Variants in SELENOO observed in about 807,000 individuals in gnomAD.
SELENOO encodes the protein selenoprotein O, also known as protein adenylyltransferase SelO, mitochondrial.
SELENOO carries 74 observed loss-of-function variants against 58.7 expected under a neutral mutation model. The observed-to-expected ratio is 1.26, with a 90% CI of 1.04 to 1.53. SELENOO has a LOEUF of 1.53. Ranked by LOEUF, SELENOO falls within the 40% of genes most tolerant of loss-of-function variation. SELENOO has a pLI of 0.00. For missense variants in SELENOO, 1,149 were observed against 970.0 expected (o/e 1.18, Z -2.45); for synonymous variants, 543 against 453.2 (o/e 1.20, Z -2.52).
Position 50,208,631 on chromosome 22 carries a change from A to G in SELENOO, c.854A>G (p.Asp285Gly), listed in dbSNP as rs1159307066. ...GRNDIRVQLL[D>G]YVISSFYPEI... Reference sequence around the variant, plus strand: ...AACGACATTCGAGTGCAGCTGCTCGACTATGTCATCAGCTCCTTTTACCCC... The same window carrying G: ...AACGACATTCGAGTGCAGCTGCTCGGCTATGTCATCAGCTCCTTTTACCCC... Residue 285 changes from aspartate (D) to glycine (G), a missense_variant, in exon 3 of 9, where the codon GAC (aspartate) becomes GGC (glycine). Physicochemically the swap from Asp to Gly is moderately conservative, Grantham distance 94 (BLOSUM62 -1). Coordinates refer to ENST00000380903, the MANE Select transcript of SELENOO (RefSeq NM_031454.2). 2 of 1,613,852 alleles carry G rather than the reference A, an allele frequency of 1.2e-6. No individual in the cohort carries two copies. The highest frequency in any genetic ancestry group is 1.6e-4 in the Middle Eastern group (1 of 6,062).
intron 5 of SELENOO, among the ~76,000 whole-genome samples, chr22:50,211,863 C>A (rs1405460749): frequency 2.0e-5 from 3 of 152,192 alleles, no homozygotes; most frequent in African/African-American, 7.2e-5. Flanking sequence ...GCCACCACAC[C>A]CGGCTAATTT....
At position 50,217,384 on chromosome 22, in the gene SELENOO, T is replaced by G; in HGVS notation, c.*15T>G. ...GATCTTCGTAACGGCCTCGGCACGCTCCACACCCCTGGAGTCTCCCGAGGC... is the reference window on the plus strand; with the variant it reads ...GATCTTCGTAACGGCCTCGGCACGCGCCACACCCCTGGAGTCTCCCGAGGC... On this transcript the variant is annotated 3_prime_UTR_variant, in exon 9 of 9. Transcript: ENST00000380903. The G allele has an allele frequency of 1.2e-6, 2 of 1,611,932 alleles. No homozygotes were observed. Among genetic ancestry groups the G allele is most frequent in the Non-Finnish European group, 1.7e-6 (2 of 1,179,646 alleles).
intron 1 of SELENOO, among the ~76,000 whole-genome samples, chr22:50,205,322 T>C (rs1312083387): frequency 1.3e-5 from 2 of 152,250 alleles, no homozygotes; most frequent in Non-Finnish European, 2.9e-5. Flanking sequence ...CAGTGGCTCA[T>C]GCCTGTAATC....
Position 50,217,198 on chromosome 22 carries a change from C to T in SELENOO, c.1846-7C>T, listed in dbSNP as rs1207298981. 35 of 1,612,020 alleles carry T rather than the reference C, an allele frequency of 2.2e-5. No homozygotes were observed. Among genetic ancestry groups the T allele is most frequent in the Non-Finnish European group, 3.0e-5 (35 of 1,179,192 alleles). On this transcript the variant is annotated splice_polypyrimidine_tract_variant and splice_region_variant and intron_variant, in intron 8 of 8. Coordinates refer to ENST00000380903, the MANE Select transcript of SELENOO (RefSeq NM_031454.2). ...CCCAGACCCCTCTCACCCTCCTGAT[C>T]CTCCAGGTGCGGCGGGTGCTGAAAC...
Position 50,217,462 on chromosome 22 carries a change from G to T in SELENOO, c.*93G>T, listed in dbSNP as rs1179553830. 2 of 1,457,106 alleles carry T rather than the reference G, an allele frequency of 1.4e-6. No homozygotes were observed. The highest frequency in any genetic ancestry group is 1.9e-6 in the Non-Finnish European group (2 of 1,073,372). The allele number at this position is 1,457,106 out of a possible 1,614,324, so 90.3% of individuals were successfully genotyped here. A position where few individuals can be genotyped will look rare whatever the true frequency, so the allele number is the denominator to read the frequency against. ...GATGCCAGGCTGCCCTATACACTGGGGGATTCTGCCCTGGCCCATGCACAC... is the reference window on the plus strand; with the variant it reads ...GATGCCAGGCTGCCCTATACACTGGTGGATTCTGCCCTGGCCCATGCACAC... On this transcript the variant is annotated 3_prime_UTR_variant, in exon 9 of 9. Transcript: ENST00000380903.
At chr22:50,208,940 C>T (rs2064350436) in intron 3 of SELENOO, among the ~76,000 whole-genome samples, 1 of 152,200 alleles carries the variant, frequency 6.6e-6, no homozygotes, top group Admixed American at 6.5e-5. Context: ...TGGGCGTGCT[C>T]TCCTACTGGT....
rs766805211 is a variant in SELENOO at position 50,217,095 on chromosome 22, C to T, written c.1812C>T (p.Ala604=). Residue 604 remains alanine, a synonymous_variant, in exon 8 of 9, where the codon GCC becomes GCT. Transcript: ENST00000380903. ...TGAGGAACTACATCGCGCAGAATGC[C>T]ATCGAGGCTGCCGAGCGCGGGGACT... ...YVLRNYIAQN[A]IEAAERGDFS... The T allele has an allele frequency of 3.1e-6, 5 of 1,613,012 alleles. No homozygotes were observed. Among genetic ancestry groups the T allele is most frequent in the South Asian group, 1.1e-5 (1 of 91,084 alleles).
chr22:50,214,210 C>T (rs1055710505), intron 5 of SELENOO, among the ~76,000 whole-genome samples: 6 of 152,186 alleles, frequency 3.9e-5, no homozygotes, highest in East Asian at 1.9e-4. Context: ...GGCACAGCTG[C>T]GGCTCACTGC....
At chr22:50,213,700 T>C (rs1424306209) in intron 5 of SELENOO, among the ~76,000 whole-genome samples, 2 of 152,092 alleles carry the variant, frequency 1.3e-5, no homozygotes, top group East Asian at 1.9e-4. Flanking sequence ...CAGGCTGGAG[T>C]GCAGTGGCGC....
intron 1 of SELENOO, among the ~76,000 whole-genome samples, chr22:50,203,732 A>G (rs975640962): frequency 5.9e-5 from 9 of 152,358 alleles, no homozygotes; most frequent in East Asian, 3.9e-4. Flanking sequence ...AGACCTAAAC[A>G]TAAGAGCTAA....
intron 1 of SELENOO, among the ~76,000 whole-genome samples, chr22:50,203,940 A>G (rs1293548147): frequency 6.6e-6 from 1 of 152,244 alleles, no homozygotes; most frequent in Non-Finnish European, 1.5e-5. Flanking sequence ...CAATTCATAT[A>G]TCTGATAAGT....
At chr22:50,203,843 A>G (rs1488800056) in intron 1 of SELENOO, among the ~76,000 whole-genome samples, 1 of 152,140 alleles carries the variant, frequency 6.6e-6, no homozygotes, top group Non-Finnish European at 1.5e-5. Context: ...ACAGGCAAAC[A>G]AGACTTCATG....
chr22:50,216,943 G>C (rs754605776), intron 7 of SELENOO, 29 bp from the exon 8 acceptor site: 1 of 1,604,718 alleles, frequency 6.2e-7, no homozygotes, highest in South Asian at 1.1e-5. Flanking sequence ...CAGCCCGGCT[G>C]TGACTCCAGA....
intron 3 of SELENOO, chr22:50,209,223 G>A (rs2064352178): frequency 6.5e-6 from 1 of 153,412 alleles, no homozygotes; most frequent in African/African-American, 2.4e-5. Flanking sequence ...TGGCTGGGCT[G>A]GGGGCCTGCA....
rs765701536 is a variant in SELENOO, at chr22:50,210,648, T to C, written c.1088T>C (p.Val363Ala). The change falls in exon 5 of 9, where the codon GTG (valine) becomes GCG (alanine). Residue 363 changes from valine (V) to alanine (A), a missense_variant. Transcript: ENST00000380903. ...GFLDRYDPDH[V>A]CNASDNTGRY... ...TGTGGCAGGTACGACCCCGACCACG[T>C]GTGCAATGCCTCCGACAACACCGGC... 4 of 1,612,874 alleles carry C rather than the reference T, an allele frequency of 2.5e-6. No homozygotes were observed. The African/African-American group carries it at 4.0e-5, about 16-fold the overall frequency.
intron 1 of SELENOO, chr22:50,206,096 A>G: frequency 1.7e-6 from 1 of 594,384 alleles, no homozygotes; most frequent in Non-Finnish European, 3.0e-6. Flanking sequence ...GCCCATTTTT[A>G]CCAGAGGCTG....
chr22:50,211,044 C>A, intron 5 of SELENOO, 133 bp downstream of exon 5: 1 of 889,984 alleles, frequency 1.1e-6, no homozygotes, highest in Non-Finnish European at 1.8e-6. Flanking sequence ...CACCCCCATT[C>A]TACTCTCTGT....
rs760615530 is a variant in SELENOO at position 50,210,291 on chromosome 22, G to C, written c.1050G>C (p.Gly350=). 6.2e-7 allele frequency: 1 copy of C among 1,613,206 alleles called. No homozygotes were observed. Among genetic ancestry groups the C allele is most frequent in the Non-Finnish European group, 8.5e-7 (1 of 1,179,882 alleles). The change falls in exon 4 of 9, where the codon GGG becomes GGC. Residue 350 remains glycine, a synonymous_variant. Transcript: ENST00000380903. ...MSILGLTIDY[G]PFGFLDRYDP... is the part of the protein sequence containing the mutation. Reference sequence around the variant, plus strand: ...TCCTGGGGCTCACCATCGACTACGGGCCCTTTGGCTTCCTGGACAGGTAAG... The same window carrying C: ...TCCTGGGGCTCACCATCGACTACGGCCCCTTTGGCTTCCTGGACAGGTAAG...
At position 50,210,524 on chromosome 22, in the gene SELENOO, C is replaced by T; in HGVS notation, c.1071-107C>T. 3.3e-6 allele frequency: 5 copies of T among 1,528,418 alleles called. No homozygotes were observed. In the South Asian group the frequency reaches 5.9e-5, roughly 18 times the overall value. The allele number at this position is 1,528,418 out of a possible 1,614,324, so 94.7% of individuals were successfully genotyped here. On this transcript the variant is annotated intron_variant, in intron 4 of 8. Transcript: ENST00000380903. Reference sequence around the variant, plus strand: ...ACCCCTGTGGGACAGGGCCAGAGAGCCACGGCCACTTGGGACCTTCCCCTG... The same window carrying T: ...ACCCCTGTGGGACAGGGCCAGAGAGTCACGGCCACTTGGGACCTTCCCCTG...
Sources: gnomAD v4.1 joint callset for allele counts (sites outside exome capture counted in the v4.1 genomes callset) on GRCh38, gnomAD v4.1.1 for gene constraint, MANE v1.5 for transcripts, NCBI Gene and HGNC (gene_info 2026-07-23, HGNC 2026-07-21) for gene names.